Variants in CNTN5 observed in about 807,000 individuals in gnomAD.
CNTN5 encodes the protein contactin-5.
Under a neutral mutation model 129.1 loss-of-function variants are expected in CNTN5, and 77 were observed. The observed-to-expected ratio is 0.60, with a 90% confidence interval of 0.50 to 0.72. The LOEUF is 0.72. Among genes scored for constraint, CNTN5 ranks in the 30% least tolerant of loss-of-function variants. The probability of loss-of-function intolerance (pLI) is 0.00; values close to 1 mark genes in which losing one functional copy is unlikely to be tolerated. For synonymous variants in CNTN5, 509 were observed against 465.6 expected, an observed-to-expected ratio of 1.09 and a Z score of -1.20; for missense variants, 1,478 against 1,328.8, an observed-to-expected ratio of 1.11 and a Z score of -1.75.
chr11:99,262,726 C>T (rs1016595816), intron 1 of CNTN5, among the ~76,000 whole-genome samples: 1 of 150,776 alleles, frequency 6.6e-6, no homozygotes, highest in South Asian at 2.1e-4. Context: ...TTTTATTCTG[C>T]TTTGTTTTTA....
At chr11:100,178,602 C>T (rs1418382024) in intron 13 of CNTN5, among the ~76,000 whole-genome samples, 2 of 152,196 alleles carry the variant, frequency 1.3e-5, no homozygotes, top group African/African-American at 2.4e-5. Flanking sequence ...ATACACTAAG[C>T]ATTAATGCTA....
intron 1 of CNTN5, among the ~76,000 whole-genome samples, chr11:99,197,337 T>C (rs964503908): frequency 6.6e-6 from 1 of 152,002 alleles, no homozygotes; most frequent in African/African-American, 2.4e-5. Context: ...TAAAAATGTA[T>C]ATATTTTTAT....
chr11:99,580,411 G>A (rs1037593795), intron 3 of CNTN5, among the ~76,000 whole-genome samples: 1 of 152,170 alleles, frequency 6.6e-6, no homozygotes, highest in African/African-American at 2.4e-5. Flanking sequence ...AATGGTACCA[G>A]CTCTTCCTTG....
intron 6 of CNTN5, among the ~76,000 whole-genome samples, chr11:99,868,168 A>G (rs1459706270): frequency 6.6e-6 from 1 of 152,056 alleles, no homozygotes; most frequent in Admixed American, 6.5e-5. Flanking sequence ...ATGAGCTGAG[A>G]ACGTGCCGCT....
At chr11:100,346,120 G>T (rs1952272970) in intron 23 of CNTN5, among the ~76,000 whole-genome samples, 3 of 152,014 alleles carry the variant, frequency 2.0e-5, no homozygotes, top group African/African-American at 7.2e-5. Flanking sequence ...TTGGGAAAAT[G>T]AAACAAAAAC....
intron 4 of CNTN5, among the ~76,000 whole-genome samples, chr11:99,820,286 A>G (rs1254868266): frequency 1.1e-4 from 17 of 152,382 alleles, no homozygotes; most frequent in African/African-American, 4.1e-4. Flanking sequence ...TGGAAGGCCA[A>G]TTTGACAGTG....
intron 1 of CNTN5, among the ~76,000 whole-genome samples, chr11:99,081,952 TATAAC>T (rs1215498052): frequency 4.6e-5 from 7 of 152,266 alleles, no homozygotes; most frequent in South Asian, 4.1e-4. Context: ...TCATAGATAA[TATAAC>T]ATACAAAATT....
intron 2 of CNTN5, among the ~76,000 whole-genome samples, chr11:99,404,617 A>G (rs1454774978): frequency 2.0e-5 from 3 of 152,172 alleles, no homozygotes; most frequent in African/African-American, 4.8e-5. Context: ...TGCATAAAGG[A>G]ACAAGCTAAA....
At chr11:99,052,052 A>G (rs879540293) in intron 1 of CNTN5, among the ~76,000 whole-genome samples, 1 of 151,906 alleles carries the variant, frequency 6.6e-6, no homozygotes, top group Non-Finnish European at 1.5e-5. Flanking sequence ...TGGCAAGAGT[A>G]GTTATGCTAA....
chr11:100,265,540 A>G (rs1950285773), intron 17 of CNTN5, among the ~76,000 whole-genome samples: 1 of 152,106 alleles, frequency 6.6e-6, no homozygotes, highest in African/African-American at 2.4e-5. Context: ...TAATTTAACA[A>G]TATCCATTAG....
intron 16 of CNTN5, among the ~76,000 whole-genome samples, chr11:100,255,374 T>C (rs1950045620): frequency 6.6e-6 from 1 of 151,236 alleles, no homozygotes; most frequent in African/African-American, 2.4e-5. Flanking sequence ...AGGATGAGAT[T>C]TTTTTTTTGT....
At chr11:99,893,094 C>G (rs1444195183) in intron 6 of CNTN5, among the ~76,000 whole-genome samples, 3 of 152,090 alleles carry the variant, frequency 2.0e-5, no homozygotes, top group African/African-American at 7.2e-5. Context: ...GAGATCAACA[C>G]TGAAATATAA....
At chr11:99,779,645 T>C (rs896971233) in intron 3 of CNTN5, among the ~76,000 whole-genome samples, 2 of 151,994 alleles carry the variant, frequency 1.3e-5, no homozygotes, top group African/African-American at 4.8e-5. Context: ...CTATGAGGAA[T>C]AGGGTTATGA....
At chr11:100,160,461 A>T (rs954710148) in intron 13 of CNTN5, among the ~76,000 whole-genome samples, 1 of 151,904 alleles carries the variant, frequency 6.6e-6, no homozygotes, top group Non-Finnish European at 1.5e-5. Context: ...CGGACAAATC[A>T]CAACATGTAT....
chr11:99,899,966 T>A (rs1177926756), intron 6 of CNTN5, among the ~76,000 whole-genome samples: 3 of 151,958 alleles, frequency 2.0e-5, no homozygotes, highest in Admixed American at 6.6e-5. Context: ...TCCTGGAAGT[T>A]TGTATGTTTA....
chr11:99,438,447 G>A (rs1024825300), intron 2 of CNTN5, among the ~76,000 whole-genome samples: 3 of 151,962 alleles, frequency 2.0e-5, no homozygotes, highest in African/African-American at 7.2e-5. Flanking sequence ...TCAGAAACTG[G>A]TCTCTTACAC....
chr11:99,483,799 A>G (rs981594369), intron 2 of CNTN5, among the ~76,000 whole-genome samples: 3 of 152,198 alleles, frequency 2.0e-5, no homozygotes, highest in African/African-American at 7.2e-5. Context: ...CCAAGAACAT[A>G]AACTGGGCTA....
chr11:100,145,238 C>T (rs770912959), intron 13 of CNTN5, among the ~76,000 whole-genome samples: 39 of 152,210 alleles, frequency 2.6e-4, no homozygotes, highest in Non-Finnish European at 1.2e-4. Context: ...TGACATTTAA[C>T]ACCAAACGAG....
At chr11:99,792,149 G>C (rs560553578) in intron 3 of CNTN5, among the ~76,000 whole-genome samples, 1 of 152,028 alleles carries the variant, frequency 6.6e-6, no homozygotes, top group Admixed American at 6.6e-5. Flanking sequence ...AATAGGAATG[G>C]TGAAAATGGT....
Sources: gnomAD v4.1 joint callset for allele counts (sites outside exome capture counted in the v4.1 genomes callset) on GRCh38, gnomAD v4.1.1 for gene constraint, MANE v1.5 for transcripts, NCBI Gene and HGNC (gene_info 2026-07-23, HGNC 2026-07-21) for gene names.